The following PRKCH variants were observed in gnomAD, a reference collection of about 807,000 sequenced individuals.
PRKCH encodes protein kinase C eta, also known as protein kinase C eta type.
PRKCH carries 28 observed loss-of-function variants against 82.5 expected under a neutral mutation model. The ratio of observed to expected loss-of-function variants is 0.34; its 90% CI spans 0.25 to 0.47. The LOEUF is 0.47. Ranked by LOEUF, PRKCH falls within the 20% of genes least tolerant of loss-of-function variation. PRKCH has a pLI of 1.00. For synonymous variants in PRKCH, 322 were observed against 327.4 expected, an observed-to-expected ratio of 0.98 and a Z score of 0.18; for missense variants, 705 against 881.8, an observed-to-expected ratio of 0.80 and a Z score of 2.54.
At position 61,212,096 on chromosome 14, in the gene PRKCH, T is replaced by C. The variant is rs192247267; in HGVS notation, c.-19+24428T>C. ...GTTTCAGACAGAGGCTCACCACTTC[T>C]GCTTTAGGGCACTGCTGTGGTCTAG... is the stretch of plus-strand genomic sequence containing the variant. On this transcript the variant is annotated intron_variant, in intron 1 of 3. Transcript: ENST00000555185. 3.7e-4 allele frequency among the ~76,000 whole-genome samples: 56 copies of C among 152,360 alleles called. 1 individual carries two copies. The highest frequency in any genetic ancestry group is 5.9e-5 in the Non-Finnish European group (4 of 68,026).
Position 61,530,447 on chromosome 14 carries a change from G to A in PRKCH, c.1613G>A (p.Trp538Ter), listed in dbSNP as rs1179153921. Residue 538 changes from tryptophan (W) to a stop codon, truncating the protein, a stop_gained, in exon 12 of 14, where the codon TGG becomes TAG. Coordinates refer to ENST00000332981, the MANE Select transcript of PRKCH (RefSeq NM_006255.5). LOFTEE classifies it high-confidence loss of function. ...EMLYGPAVDW[W>*]AMGVLLYEML... The stretch of plus-strand genomic sequence containing the variant: ...CTGTACGGGCCTGCAGTAGACTGGT[G>A]GGCAATGGGCGTGTTGCTCTATGAG... 3 of 1,609,066 alleles carry A rather than the reference G, an allele frequency of 1.9e-6. No homozygotes were observed. The highest frequency in any genetic ancestry group is 2.7e-5 in the African/African-American group (2 of 74,902).
chr14:61,272,349 T>C (rs1201827471), intron 1 of PRKCH, among the ~76,000 whole-genome samples: 4 of 95,848 alleles, frequency 4.2e-5, no homozygotes, highest in East Asian at 5.9e-4. Context: ...TCTTTCTTTT[T>C]TTTTTTTTTT....
At chr14:61,224,958 A>G (rs1298055857) in intron 1 of PRKCH, among the ~76,000 whole-genome samples, 1 of 152,174 alleles carries the variant, frequency 6.6e-6, no homozygotes, top group Admixed American at 6.5e-5. Context: ...TCACCTCTCA[A>G]CAGGACTCAC....
chr14:61,287,448 C>T (rs1301920427), intron 1 of PRKCH, among the ~76,000 whole-genome samples: 1 of 151,916 alleles, frequency 6.6e-6, no homozygotes, highest in African/African-American at 2.4e-5. Flanking sequence ...CGGTAGCTCA[C>T]GCCTGTAATC....
chr14:61,319,621 T>G (rs543459828), upstream of PRKCH, among the ~76,000 whole-genome samples: 1 of 152,344 alleles, frequency 6.6e-6, no homozygotes, highest in South Asian at 2.1e-4. Flanking sequence ...GGGACTGTTT[T>G]CTTTTAGCCC....
intron 9 of PRKCH, among the ~76,000 whole-genome samples, chr14:61,465,243 T>A (rs914513756): frequency 1.3e-5 from 2 of 152,256 alleles, no homozygotes; most frequent in Non-Finnish European, 2.9e-5. Context: ...TCCATTTGTC[T>A]ATTTTTGCTT....
At chr14:61,432,828 C>T (rs1361527234) in intron 2 of PRKCH, among the ~76,000 whole-genome samples, 2 of 152,040 alleles carry the variant, frequency 1.3e-5, no homozygotes, top group Non-Finnish European at 2.9e-5. Flanking sequence ...CCCACTTCAG[C>T]CTCCCAAAGT....
chr14:61,509,930 A>G (rs775961879), intron 10 of PRKCH, among the ~76,000 whole-genome samples: 22 of 151,972 alleles, frequency 1.4e-4, no homozygotes, highest in Non-Finnish European at 3.1e-4. Context: ...AACAAAACAA[A>G]CAAAAACAAA....
intron 1 of PRKCH, among the ~76,000 whole-genome samples, chr14:61,247,014 T>C (rs1350794014): frequency 6.6e-6 from 1 of 152,194 alleles, no homozygotes; most frequent in African/African-American, 2.4e-5. Context: ...GCTTCCATGC[T>C]GAGATGCTCT....
intron 9 of PRKCH, among the ~76,000 whole-genome samples, chr14:61,483,770 G>A (rs1199196084): frequency 6.6e-6 from 1 of 152,202 alleles, no homozygotes. Flanking sequence ...GTTCAAGGCT[G>A]GGTGTGGTAG....
intron 1 of PRKCH, among the ~76,000 whole-genome samples, chr14:61,290,398 C>A (rs2045351531): frequency 6.6e-6 from 1 of 152,048 alleles, no homozygotes. Context: ...AGGGTAAATA[C>A]CTCAGTGAGT....
intron 1 of PRKCH, among the ~76,000 whole-genome samples, chr14:61,292,915 C>G (rs1218462242): frequency 6.6e-6 from 1 of 151,880 alleles, no homozygotes; most frequent in Non-Finnish European, 1.5e-5. Flanking sequence ...ATCCTCATCT[C>G]TAAAACACAA....
chr14:61,452,155 T>C (rs1342896579), intron 6 of PRKCH, among the ~76,000 whole-genome samples: 1 of 152,138 alleles, frequency 6.6e-6, no homozygotes, highest in African/African-American at 2.4e-5. Context: ...TCTTGTGATT[T>C]TTGCCTTTAT....
chr14:61,439,687 G>A (rs369292138), intron 2 of PRKCH, among the ~76,000 whole-genome samples: 10 of 152,226 alleles, frequency 6.6e-5, no homozygotes, highest in African/African-American at 1.7e-4. Context: ...CATGTCACCC[G>A]GCTTTAGGAT....
chr14:61,297,650 G>T (rs967936845), intron 1 of PRKCH, among the ~76,000 whole-genome samples: 1 of 152,130 alleles, frequency 6.6e-6, no homozygotes, highest in East Asian at 1.9e-4. Context: ...CCTTAAATCC[G>T]CTGTTCAGGA....
At chr14:61,408,063 G>A (rs1221227694) in intron 2 of PRKCH, among the ~76,000 whole-genome samples, 2 of 152,212 alleles carry the variant, frequency 1.3e-5, no homozygotes, top group African/African-American at 4.8e-5. Context: ...TTACTGGGCA[G>A]TGTGCAGTGG....
rs2045624645 is a variant in PRKCH, at chr14:61,321,642, GGTTTGAA to G, written c.-458_-452del. On this transcript the variant is annotated 5_prime_UTR_variant, in exon 1 of 14. An upstream open reading frame in the 5' UTR loses its in-frame stop. Coordinates refer to ENST00000332981, the MANE Select transcript of PRKCH (RefSeq NM_006255.5). The surrounding 1 kb of genome is among the most constrained non-coding windows in gnomAD (Gnocchi z 4.1). The stretch of plus-strand genomic sequence containing the variant: ...GATGCGGCGGCGGCAGCTGCTTCCT[GGTTTGAA>G]GCTCGCCGAGTGGGGGAGAGCGTGA... 1 of 151,866 alleles carries G rather than the reference GGTTTGAA, an allele frequency of 6.6e-6. No individual in the cohort carries two copies. Among genetic ancestry groups the G allele is most frequent in the East Asian group, 2.0e-4 (1 of 5,116 alleles). 9.4% of individuals were successfully genotyped at this position (151,866 alleles called of 1,614,324 possible).
chr14:61,461,068 C>T (rs1368734630), intron 9 of PRKCH, among the ~76,000 whole-genome samples: 6 of 152,136 alleles, frequency 3.9e-5, no homozygotes, highest in Non-Finnish European at 8.8e-5. Flanking sequence ...TCGTGGGCCT[C>T]GGCTCCCCTG....
intron 1 of PRKCH, among the ~76,000 whole-genome samples, chr14:61,309,188 G>C (rs1047780416): frequency 6.6e-6 from 1 of 152,106 alleles, no homozygotes; most frequent in Admixed American, 6.5e-5. Flanking sequence ...GAAGTGAGGT[G>C]GGAGGATCAC....
Sources: allele counts gnomAD v4.1 joint callset (sites outside exome capture counted in the v4.1 genomes callset), GRCh38; gene constraint gnomAD v4.1.1; non-coding constraint Gnocchi (gnomAD v3.1); transcripts MANE v1.5; gene names NCBI Gene and HGNC (gene_info 2026-07-23, HGNC 2026-07-21).